GMDS: variants seen among roughly 807,000 people sequenced by gnomAD.
The protein encoded by GMDS is GDP-mannose 4,6-dehydratase.
GMDS carries 20 observed loss-of-function variants against 49.9 expected under a neutral mutation model. The ratio of observed to expected loss-of-function variants is 0.40; its 90% confidence interval spans 0.28 to 0.58. GMDS has a LOEUF of 0.58. GMDS is among the 20% of genes least tolerant of loss of function. The pLI is 0.42. For synonymous variants in GMDS, 177 were observed against 178.6 expected (o/e 0.99, Z 0.07); for missense variants, 362 against 481.4 (o/e 0.75, Z 2.32).
rs575290899 is a variant in GMDS at position 1,961,527 on chromosome 6, C to T, written c.346-561G>A. 9.5e-4 allele frequency among the ~76,000 whole-genome samples: 144 copies of T among 152,198 alleles called. No homozygotes were observed. In the Middle Eastern group the frequency reaches 0.014, roughly 14 times the overall value. On this transcript the variant is annotated intron_variant, in intron 4 of 10. Coordinates refer to ENST00000380815, the MANE Select transcript of GMDS (RefSeq NM_001500.4). ...GAGACACAGAGCATACAGCAAGATG[C>T]TAATGTATATATGAACCAATTTCTA...
chr6:1,907,207 G>A (rs1760823033), intron 7 of GMDS, among the ~76,000 whole-genome samples: 1 of 152,182 alleles, frequency 6.6e-6, no homozygotes, highest in Non-Finnish European at 1.5e-5. Context: ...CAGTGTATGT[G>A]TATCAACTTG....
intron 9 of GMDS, among the ~76,000 whole-genome samples, chr6:1,663,475 C>T (rs1023762222): frequency 6.6e-6 from 1 of 152,226 alleles, no homozygotes; most frequent in African/African-American, 2.4e-5. Flanking sequence ...GCTCCCTTTT[C>T]CTTGCTTTTA....
intron 9 of GMDS, among the ~76,000 whole-genome samples, chr6:1,719,181 GCCCGTCAGTGGTGGACCTATCA>G: frequency 6.6e-6 from 1 of 152,304 alleles, no homozygotes; most frequent in Non-Finnish European, 1.5e-5. Context: ...TGGGACGGAA[GCCCGTCAGTGGTGGACCTATCA>G]CCTTGGCAGT....
chr6:1,987,720 A>G (rs1027991450), intron 4 of GMDS, among the ~76,000 whole-genome samples: 1 of 152,244 alleles, frequency 6.6e-6, no homozygotes, highest in Non-Finnish European at 1.5e-5. Context: ...TTTCTAAGCA[A>G]AAGAATGAAA....
chr6:2,234,436 C>T (rs1260058089), intron 1 of GMDS, among the ~76,000 whole-genome samples: 4 of 151,986 alleles, frequency 2.6e-5, no homozygotes, highest in African/African-American at 9.7e-5. Context: ...GGTGAAACCC[C>T]ATCTCTACTA....
Position 2,177,475 on chromosome 6 carries a change from C to T in GMDS, c.103-52744G>A, listed in dbSNP as rs536281852. On this transcript the variant is annotated intron_variant, in intron 1 of 10. Transcript: ENST00000380815. Reference sequence around the variant, plus strand: ...TACTGGCAAACTGAATCTAGCAGCACATCAAAAAGTTTATTCACCACGATC... The same window carrying T: ...TACTGGCAAACTGAATCTAGCAGCATATCAAAAAGTTTATTCACCACGATC... Among the ~76,000 whole-genome samples, 142 of 152,246 alleles carry T rather than the reference C, an allele frequency of 9.3e-4. 1 individual carries two copies. The highest frequency in any genetic ancestry group is 2.6e-3 in the African/African-American group (110 of 41,548).
intron 3 of GMDS, among the ~76,000 whole-genome samples, chr6:2,116,979 T>C (rs79259425): frequency 0.017 from 2,559 of 152,246 alleles, 71 homozygotes; most frequent in African/African-American, 0.06. Flanking sequence ...GACAAATTAA[T>C]AAAAGCAGCA....
intron 7 of GMDS, among the ~76,000 whole-genome samples, chr6:1,790,953 G>A (rs988876325): frequency 2.0e-5 from 3 of 152,138 alleles, no homozygotes; most frequent in Non-Finnish European, 4.4e-5. Flanking sequence ...GAGTGATCCC[G>A]GCTGTCTAGG....
intron 4 of GMDS, among the ~76,000 whole-genome samples, chr6:2,004,925 G>A (rs1476053993): frequency 6.6e-6 from 1 of 152,116 alleles, no homozygotes. Flanking sequence ...TACAGCAACT[G>A]GAATTAAACT....
At chr6:1,777,528 C>T (rs1768886390) in intron 7 of GMDS, among the ~76,000 whole-genome samples, 1 of 152,174 alleles carries the variant, frequency 6.6e-6, no homozygotes, top group Non-Finnish European at 1.5e-5. Flanking sequence ...CTGGAGACTC[C>T]ATTTCAACAG....
intron 4 of GMDS, among the ~76,000 whole-genome samples, chr6:2,069,391 G>A (rs1340760348): frequency 6.6e-6 from 1 of 151,934 alleles, no homozygotes; most frequent in Non-Finnish European, 1.5e-5. Context: ...CAAAAGCAAT[G>A]GCAACAAAAG....
At chr6:1,958,322 G>A (rs986107650) in intron 6 of GMDS, among the ~76,000 whole-genome samples, 1 of 151,818 alleles carries the variant, frequency 6.6e-6, no homozygotes, top group Non-Finnish European at 1.5e-5. Flanking sequence ...AAAAGTTGAG[G>A]GAGGAAGAAC....
chr6:2,038,617 A>G (rs890120853), intron 4 of GMDS, among the ~76,000 whole-genome samples: 62 of 152,206 alleles, frequency 4.1e-4, no homozygotes, highest in African/African-American at 1.4e-3. Context: ...ACTTTTCTCA[A>G]AAGTATTCTT....
At chr6:2,071,419 C>A (rs1392825065) in intron 4 of GMDS, among the ~76,000 whole-genome samples, 1 of 152,044 alleles carries the variant, frequency 6.6e-6, no homozygotes. Context: ...CTCCTTTATT[C>A]CTTTCCATGA....
chr6:1,673,966 G>C (rs1764509175), intron 9 of GMDS, among the ~76,000 whole-genome samples: 1 of 150,562 alleles, frequency 6.6e-6, no homozygotes, highest in African/African-American at 2.4e-5. Context: ...AGTTTAGGTT[G>C]ATTATTAATA....
chr6:1,934,615 C>T (rs907173645), intron 6 of GMDS, among the ~76,000 whole-genome samples: 1 of 152,228 alleles, frequency 6.6e-6, no homozygotes, highest in Middle Eastern at 3.4e-3. Context: ...TGTTCCTAAA[C>T]ACTTTATTCT....
chr6:2,054,890 G>T (rs1218515895), intron 4 of GMDS, among the ~76,000 whole-genome samples: 1 of 151,988 alleles, frequency 6.6e-6, no homozygotes, highest in Non-Finnish European at 1.5e-5. Context: ...AGTAGACCCA[G>T]ATGTTGAAAT....
intron 9 of GMDS, among the ~76,000 whole-genome samples, chr6:1,633,990 A>G (rs576033996): frequency 2.6e-5 from 4 of 152,360 alleles, no homozygotes; most frequent in Admixed American, 6.5e-5. Context: ...TTTTGAAAGT[A>G]TGGAACTGAC....
intron 7 of GMDS, among the ~76,000 whole-genome samples, chr6:1,862,920 A>T (rs1758261642): frequency 6.6e-6 from 1 of 152,224 alleles, no homozygotes; most frequent in African/African-American, 2.4e-5. Context: ...CTTATACAAA[A>T]CACTGAGAAA....
Sources: allele counts gnomAD v4.1 joint callset (sites outside exome capture counted in the v4.1 genomes callset), GRCh38; gene constraint gnomAD v4.1.1; transcripts MANE v1.5; gene names NCBI Gene and HGNC (gene_info 2026-07-23, HGNC 2026-07-21).